The following STAU2 variants were observed in gnomAD, a reference collection of about 807,000 sequenced individuals.
STAU2 encodes staufen double-stranded RNA binding protein 2.
Under a neutral mutation model 65.9 loss-of-function variants are expected in STAU2, and 20 were observed. The ratio of observed to expected loss-of-function variants is 0.30; its 90% CI spans 0.21 to 0.44. The LOEUF is 0.44. Among genes scored for constraint, STAU2 ranks in the 20% least tolerant of loss-of-function variants. STAU2 has a pLI of 1.00. For synonymous variants in STAU2, 232 were observed against 233.9 expected (o/e 0.99, Z 0.07); for missense variants, 558 against 683.9 (o/e 0.82, Z 2.05).
At chr8:73,714,751 T>C (rs554118961) in intron 3 of STAU2, among the ~76,000 whole-genome samples, 1 of 152,220 alleles carries the variant, frequency 6.6e-6, no homozygotes, top group East Asian at 1.9e-4. Flanking sequence ...CTAAGCCATT[T>C]TGAGTTACTT....
intron 13 of STAU2, among the ~76,000 whole-genome samples, chr8:73,526,354 C>T (rs1805455654): frequency 1.3e-5 from 2 of 152,158 alleles, no homozygotes; most frequent in African/African-American, 2.4e-5. Flanking sequence ...ACAATACTTC[C>T]CCACCAATGA....
chr8:73,531,674 C>G (rs1432588383), intron 13 of STAU2, among the ~76,000 whole-genome samples: 2 of 152,122 alleles, frequency 1.3e-5, no homozygotes, highest in Admixed American at 6.5e-5. Flanking sequence ...TTGAAATTCA[C>G]TCTTCTAAGT....
At position 73,482,171 on chromosome 8, in the gene STAU2, T is replaced by C. The variant is rs116900489; in HGVS notation, c.1531-59469A>G. Among the ~76,000 whole-genome samples the C allele has an allele frequency of 6.5e-4, 53 of 81,412 alleles. No homozygotes were observed. The East Asian group carries it at 0.025, about 39-fold the overall frequency. The allele number at this position is 81,412 out of a possible 152,430, so 53.4% of individuals were successfully genotyped here. On this transcript the variant is annotated intron_variant, in intron 13 of 14. Coordinates refer to ENST00000524300, the MANE Select transcript of STAU2 (RefSeq NM_001164380.2). The stretch of plus-strand genomic sequence containing the variant: ...GCTGGATAGGTGTTGCATGCCTCAT[T>C]AGAGACAGGTAGAGCACTGGCCTGT...
Position 73,565,284 on chromosome 8 carries a change from G to A in STAU2, c.1223-12965C>T, listed in dbSNP as rs1190300767. On this transcript the variant is annotated intron_variant, in intron 12 of 14. Transcript: ENST00000524300. Reference sequence around the variant, plus strand: ...ACAAGATTTGCCTGTTTGAAAGTGTGTAGCACCTCCCCTGCTTGCTCTCTC... The same window carrying A: ...ACAAGATTTGCCTGTTTGAAAGTGTATAGCACCTCCCCTGCTTGCTCTCTC... Among the ~76,000 whole-genome samples, 5 of 150,688 alleles carry A rather than the reference G, an allele frequency of 3.3e-5. No individual in the cohort carries two copies. The East Asian group carries it at 9.7e-4, about 29-fold the overall frequency.
chr8:73,572,095 A>G (rs996791111), intron 12 of STAU2, among the ~76,000 whole-genome samples: 1 of 152,198 alleles, frequency 6.6e-6, no homozygotes, highest in Non-Finnish European at 1.5e-5. Flanking sequence ...AGAAATACAA[A>G]CTACCATCAG....
At chr8:73,561,396 G>A (rs541613312) in intron 12 of STAU2, 1 of 331,986 alleles carries the variant, frequency 3.0e-6, no homozygotes, top group South Asian at 2.5e-5. Flanking sequence ...CTGTGAAAAT[G>A]ATGTTTGAGA....
In STAU2 at chr8:73,564,678, AG is replaced by A. The variant is rs534965952; in HGVS notation, c.1223-12360del. ...TTAAAAAATGAAAGTTAAAAAAAAAAGAAAATATACTCAGTGGGTCCTCAAA... is the reference window on the plus strand; with the variant it reads ...TTAAAAAATGAAAGTTAAAAAAAAAAAAAATATACTCAGTGGGTCCTCAAA... On this transcript the variant is annotated intron_variant, in intron 12 of 14. Coordinates refer to ENST00000524300, the MANE Select transcript of STAU2 (RefSeq NM_001164380.2). Among the ~76,000 whole-genome samples the A allele has an allele frequency of 8.9e-4, 136 of 152,282 alleles. 1 individual carries two copies. Among genetic ancestry groups the A allele is most frequent in the Middle Eastern group, 6.8e-3 (2 of 294 alleles).
At chr8:73,591,498 G>C (rs1332417566) in intron 11 of STAU2, among the ~76,000 whole-genome samples, 1 of 151,924 alleles carries the variant, frequency 6.6e-6, no homozygotes, top group Non-Finnish European at 1.5e-5. Context: ...TTTAAAGATA[G>C]GTTAAAAGTA....
intron 5 of STAU2, among the ~76,000 whole-genome samples, chr8:73,688,253 T>C (rs1287412695): frequency 6.6e-6 from 1 of 151,142 alleles, no homozygotes; most frequent in Non-Finnish European, 1.5e-5. Context: ...CTTGGCTCAC[T>C]GCAACCTCCA....
At chr8:73,495,531 A>T (rs1821362976) in intron 13 of STAU2, among the ~76,000 whole-genome samples, 1 of 151,180 alleles carries the variant, frequency 6.6e-6, no homozygotes, top group East Asian at 1.9e-4. Context: ...ATATACTATC[A>T]TAGAATCTTC....
chr8:73,613,950 T>C lies in STAU2; in HGVS notation c.685A>G (p.Lys229Glu). 6.2e-7 allele frequency: 1 copy of C among 1,603,164 alleles called. No individual in the cohort carries two copies. Among genetic ancestry groups the C allele is most frequent in the Non-Finnish European group, 8.5e-7 (1 of 1,176,312 alleles). ...TTCATATGTGGTGGTCCACTTTCTTTAATAACCTATTAAATACAAGTAAAA... is the reference window on the plus strand; with the variant it reads ...TTCATATGTGGTGGTCCACTTTCTTCAATAACCTATTAAATACAAGTAAAA... Reference protein sequence around the residue: ...RNMPVSFEVIKESGPPHMKSF... With the variant: ...RNMPVSFEVIEESGPPHMKSF... Residue 229 changes from lysine to glutamate, a missense_variant, in exon 9 of 15, where the codon AAA (lysine) becomes GAA (glutamate). Transcript: ENST00000524300.
chr8:73,494,560 T>C (rs1821304505), intron 13 of STAU2, among the ~76,000 whole-genome samples: 1 of 151,758 alleles, frequency 6.6e-6, no homozygotes, highest in African/African-American at 2.4e-5. Context: ...AAACATAGAA[T>C]AATTAAATAA....
chr8:73,502,337 C>G (rs967487659), intron 13 of STAU2, among the ~76,000 whole-genome samples: 3 of 151,876 alleles, frequency 2.0e-5, no homozygotes, highest in Admixed American at 6.6e-5. Flanking sequence ...TGTCCTATAC[C>G]AGTGCATTAG....
At chr8:73,549,791 A>T in intron 13 of STAU2, 1 of 985,582 alleles carries the variant, frequency 1.0e-6, no homozygotes, top group Non-Finnish European at 1.2e-6. Flanking sequence ...AGAAACACAG[A>T]AAAAGAATTT....
At chr8:73,673,452 C>T (rs1817829735) in intron 5 of STAU2, among the ~76,000 whole-genome samples, 1 of 151,984 alleles carries the variant, frequency 6.6e-6, no homozygotes. Flanking sequence ...GTTTTCTGTA[C>T]ATTAATGACA....
chr8:73,651,174 C>T lies in STAU2; in HGVS notation c.410+21933G>A, dbSNP rs933531708. On this transcript the variant is annotated intron_variant, in intron 6 of 14. Transcript: ENST00000524300. ...CTGGCCCGGACCAGGCATCGGGCCC[C>T]GAGGAGCCCCCTCAGGCCGTCAGCA... 2.5e-5 allele frequency: 27 copies of T among 1,096,018 alleles called. No homozygotes were observed. The Admixed American group carries it at 4.9e-4, about 20-fold the overall frequency. 67.9% of individuals were successfully genotyped at this position (1,096,018 alleles called of 1,614,324 possible). A position where few individuals can be genotyped will look rare whatever the true frequency, so the allele number is the denominator to read the frequency against.
chr8:73,519,527 ATAT>A (rs1190321575), intron 13 of STAU2, among the ~76,000 whole-genome samples: 6 of 152,180 alleles, frequency 3.9e-5, no homozygotes, highest in African/African-American at 1.4e-4. Context: ...ACTAATGGAG[ATAT>A]TATGATGGAT....
At chr8:73,623,083 CTTTGA>C (rs1407779233) in intron 6 of STAU2, among the ~76,000 whole-genome samples, 5 of 152,146 alleles carry the variant, frequency 3.3e-5, no homozygotes, top group African/African-American at 7.2e-5. Context: ...ATACTGGTTC[CTTTGA>C]TTTAATACTT....
At chr8:73,444,611 T>C (rs1315129301) in intron 13 of STAU2, among the ~76,000 whole-genome samples, 1 of 152,166 alleles carries the variant, frequency 6.6e-6, no homozygotes, top group Non-Finnish European at 1.5e-5. Flanking sequence ...ATCTCTGTTC[T>C]ATCCCCCCAT....
Sources: allele counts gnomAD v4.1 joint callset (sites outside exome capture counted in the v4.1 genomes callset), GRCh38; gene constraint gnomAD v4.1.1; transcripts MANE v1.5; gene names NCBI Gene and HGNC (gene_info 2026-07-23, HGNC 2026-07-21).